Variants in ABCA1 observed in about 807,000 individuals in gnomAD.
ABCA1 encodes phospholipid-transporting ATPase ABCA1.
ABCA1 carries 133 observed loss-of-function variants against 262.5 expected under a neutral mutation model. The ratio of observed to expected loss-of-function variants is 0.51; its 90% CI spans 0.44 to 0.59. The LOEUF is 0.59. ABCA1 is among the 20% of genes least tolerant of loss of function. The probability of loss-of-function intolerance (pLI) is 0.00; values close to 1 mark genes in which losing one functional copy is unlikely to be tolerated. For synonymous variants in ABCA1, 1,022 were observed against 1,043.5 expected (o/e 0.98, Z 0.40); for missense variants, 2,452 against 2,777.5 (o/e 0.88, Z 2.63).
At chr9:104,863,874 C>A (rs1398719478) in intron 5 of ABCA1, among the ~76,000 whole-genome samples, 1 of 152,200 alleles carries the variant, frequency 6.6e-6, no homozygotes, top group Non-Finnish European at 1.5e-5. Flanking sequence ...GTTGTCAAAC[C>A]TCAGAGCACC....
intron 1 of ABCA1, among the ~76,000 whole-genome samples, chr9:104,923,093 A>C (rs530653072): frequency 6.6e-6 from 1 of 152,330 alleles, no homozygotes; most frequent in Admixed American, 6.5e-5. Flanking sequence ...TTGATTTCTA[A>C]ACAGTAACAG....
chr9:104,862,651 G>GCCCCCCCCCC (rs1564198183), intron 5 of ABCA1, among the ~76,000 whole-genome samples: 2 of 6,724 alleles, frequency 3.0e-4, no homozygotes, highest in Non-Finnish European at 2.8e-4. Context: ...GGCCGGGCCG[G>GCCCCCCCCCC]GCCGGGCCGG....
At chr9:104,816,071 A>G (rs762311946) in intron 25 of ABCA1, 72 bp downstream of exon 25, 428 of 1,512,352 alleles carry the variant, frequency 2.8e-4, no homozygotes, top group Non-Finnish European at 3.6e-4. Context: ...CCTGCTCCCA[A>G]TGCAGGCTAC....
At chr9:104,852,642 T>C (rs1222919892) in intron 7 of ABCA1, among the ~76,000 whole-genome samples, 1 of 152,170 alleles carries the variant, frequency 6.6e-6, no homozygotes, top group East Asian at 1.9e-4. Context: ...GTGCTCTTCT[T>C]TTCCCATAAG....
chr9:104,832,890 G>A, intron 11 of ABCA1, 119 bp from the exon 12 acceptor site: 1 of 922,954 alleles, frequency 1.1e-6, no homozygotes. Flanking sequence ...AGAAAACTGA[G>A]GTAAATGACA....
chr9:104,909,445 T>A (rs1349912065), intron 1 of ABCA1, among the ~76,000 whole-genome samples: 4 of 152,176 alleles, frequency 2.6e-5, no homozygotes, highest in Admixed American at 1.3e-4. Context: ...TCCTTTCTGA[T>A]GAAGCATCTT....
chr9:104,925,006 C>T (rs758034103), intron 1 of ABCA1, among the ~76,000 whole-genome samples: 13 of 152,238 alleles, frequency 8.5e-5, no homozygotes, highest in Non-Finnish European at 2.9e-5. Context: ...TCCTTGAAAA[C>T]AATCAATTCC....
chr9:104,854,298 C>A (rs935571297), intron 7 of ABCA1, among the ~76,000 whole-genome samples: 3 of 152,144 alleles, frequency 2.0e-5, no homozygotes, highest in Admixed American at 1.3e-4. Flanking sequence ...AGAGCCCCCC[C>A]AAAAAAACAC....
chr9:104,926,887 C>A (rs1826390646), intron 1 of ABCA1, among the ~76,000 whole-genome samples: 1 of 152,208 alleles, frequency 6.6e-6, no homozygotes, highest in Non-Finnish European at 1.5e-5. Flanking sequence ...CTCCGGGTCT[C>A]CGCAGGCTCT....
At chr9:104,889,521 G>T in intron 2 of ABCA1, 2 of 274,948 alleles carry the variant, frequency 7.3e-6, no homozygotes, top group Non-Finnish European at 1.1e-5. Context: ...CCCTCCTCCT[G>T]TGCTACTCCA....
chr9:104,854,297 C>CA (rs1161849297), intron 7 of ABCA1, among the ~76,000 whole-genome samples: 2 of 152,104 alleles, frequency 1.3e-5, no homozygotes, highest in Non-Finnish European at 2.9e-5. Flanking sequence ...CAGAGCCCCC[C>CA]CAAAAAAACA....
chr9:104,883,190 TA>T, intron 4 of ABCA1, 33 bp from the exon 5 acceptor site: 2 of 1,564,848 alleles, frequency 1.3e-6, no homozygotes, highest in Non-Finnish European at 1.8e-6. Flanking sequence ...CGAAAGGCTT[TA>T]GCTAGGCCAA....
At chr9:104,840,783 G>A (rs1834296050) in intron 8 of ABCA1, among the ~76,000 whole-genome samples, 1 of 152,092 alleles carries the variant, frequency 6.6e-6, no homozygotes, top group African/African-American at 2.4e-5. Flanking sequence ...CCCCTCTGCC[G>A]ACCTGCAGAA....
intron 25 of ABCA1, 99 bp downstream of exon 25, chr9:104,816,044 A>G: frequency 7.4e-7 from 1 of 1,346,062 alleles, no homozygotes; most frequent in Admixed American, 1.7e-5. Context: ...AAACTCAATG[A>G]CTAACTCCAT....
At chr9:104,853,115 C>T (rs1564182476) in intron 7 of ABCA1, among the ~76,000 whole-genome samples, 1 of 152,198 alleles carries the variant, frequency 6.6e-6, no homozygotes, top group Admixed American at 6.5e-5. Context: ...CCTCACTTTC[C>T]CTTCTTTCCC....
intron 1 of ABCA1, among the ~76,000 whole-genome samples, chr9:104,927,093 C>G (rs1303701421): frequency 1.3e-5 from 2 of 151,920 alleles, no homozygotes; most frequent in Admixed American, 1.3e-4. Context: ...GCCTGTAATC[C>G]CAGCTACTCA....
chr9:104,820,619 C>T lies in ABCA1; in HGVS notation c.2961-550G>A, dbSNP rs149351181. Among the ~76,000 whole-genome samples, 6 of 152,334 alleles carry T rather than the reference C, an allele frequency of 3.9e-5. No individual in the cohort carries two copies. In the East Asian group the frequency reaches 5.8e-4, roughly 15 times the overall value. On this transcript the variant is annotated intron_variant, in intron 20 of 49. Transcript: ENST00000374736. Reference sequence around the variant, plus strand: ...TCAGGTCTCTCTCTGCTCCATCACACGGGCTCCCTGGGGGCCTTATGGCTG... The same window carrying T: ...TCAGGTCTCTCTCTGCTCCATCACATGGGCTCCCTGGGGGCCTTATGGCTG...
rs1006116269 is a variant in ABCA1 at position 104,818,834 on chromosome 9, C to T, written c.3291G>A (p.Leu1097=). The T allele has an allele frequency of 1.2e-6, 2 of 1,614,042 alleles. No homozygotes were observed. Among genetic ancestry groups the T allele is most frequent in the Non-Finnish European group, 1.7e-6 (2 of 1,180,042 alleles). The change falls in exon 23 of 50, where the codon CTG becomes CTA. Residue 1097 remains leucine (L), a synonymous_variant. Coordinates refer to ENST00000374736, the MANE Select transcript of ABCA1 (RefSeq NM_005502.4). ...STHHMDEADV[L]GDRIAIISHG... ...GGGAGATGATGGCAATCCTGTCCCC[C>T]AGGACGTCCGCTTCATCCATGTGGT...
At chr9:104,836,027 T>C (rs1833787742) in intron 11 of ABCA1, among the ~76,000 whole-genome samples, 1 of 152,226 alleles carries the variant, frequency 6.6e-6, no homozygotes, top group Non-Finnish European at 1.5e-5. Context: ...CTAGATCATA[T>C]AACCCTCCTT....
Sources: gnomAD v4.1 joint callset for allele counts (sites outside exome capture counted in the v4.1 genomes callset) on GRCh38, gnomAD v4.1.1 for gene constraint, MANE v1.5 for transcripts, NCBI Gene and HGNC (gene_info 2026-07-23, HGNC 2026-07-21) for gene names.